The following CDKL1 variants were observed in gnomAD, a reference collection of about 807,000 sequenced individuals.
CDKL1 encodes cyclin-dependent kinase-like 1.
In CDKL1, 41 loss-of-function variants were observed where a neutral mutation model predicts 42.0. That is an observed-to-expected ratio of 0.98 (90% CI 0.76 to 1.27). The LOEUF (loss-of-function observed/expected upper bound fraction) is 1.27, where lower values mean the gene tolerates loss of function less well. Among genes scored for constraint, CDKL1 ranks in the 50% most tolerant of loss-of-function variants. The probability of loss-of-function intolerance (pLI) is 0.00; values close to 1 mark genes in which losing one functional copy is unlikely to be tolerated. For synonymous variants in CDKL1, 153 were observed against 158.6 expected (o/e 0.96, Z 0.26); for missense variants, 394 against 428.4 (o/e 0.92, Z 0.71).
intron 2 of CDKL1, among the ~76,000 whole-genome samples, chr14:50,391,737 A>C (rs2035262609): frequency 2.0e-5 from 3 of 152,142 alleles, no homozygotes. Context: ...TCAGGGCAGT[A>C]ACTCAAGGTC....
Position 50,336,321 on chromosome 14 carries a change from GCTT to G in CDKL1, c.739-1703_739-1701del, listed in dbSNP as rs569107248. 4,766 of 1,142,078 alleles carry G rather than the reference GCTT, an allele frequency of 4.2e-3. 11 individuals carry two copies. The highest frequency in any genetic ancestry group is 5.1e-3 in the Non-Finnish European group (4,553 of 895,956). The allele number at this position is 1,142,078 out of a possible 1,614,324, so 70.7% of individuals were successfully genotyped here. On this transcript the variant is annotated intron_variant, in intron 7 of 9. Coordinates refer to ENST00000395834, the MANE Select transcript of CDKL1 (RefSeq NM_004196.7). ...GACAATCTCTGGGAAGCCATGGGAA[GCTT>G]CTTACATTTATGAAACCTGGGTTAT...
At chr14:50,382,936 T>G (rs1229237819) in intron 2 of CDKL1, among the ~76,000 whole-genome samples, 1 of 151,550 alleles carries the variant, frequency 6.6e-6, no homozygotes. Flanking sequence ...TTTTGTTTTT[T>G]TTTTTTTTTG....
intron 3 of CDKL1, chr14:50,358,091 G>C: frequency 7.4e-7 from 1 of 1,357,590 alleles, no homozygotes; most frequent in Non-Finnish European, 9.9e-7. Flanking sequence ...CTTGGACAAG[G>C]CCTCTGTGTG....
At chr14:50,378,340 G>A (rs1289376621) in intron 2 of CDKL1, 1 of 1,366,370 alleles carries the variant, frequency 7.3e-7, no homozygotes, top group Admixed American at 1.9e-5. Flanking sequence ...GCTCTGCGAG[G>A]AAATAACTGC....
intron 2 of CDKL1, among the ~76,000 whole-genome samples, chr14:50,374,433 A>G (rs1381350767): frequency 6.6e-6 from 1 of 152,242 alleles, no homozygotes; most frequent in Non-Finnish European, 1.5e-5. Flanking sequence ...TTAAAAAATC[A>G]TGTAGGAGGT....
rs375954757 is a variant in CDKL1 at position 50,346,651 on chromosome 14, G to GTTTT, written c.291-1594_291-1593insAAAA. 1.0e-3 allele frequency among the ~76,000 whole-genome samples: 124 copies of GTTTT among 123,642 alleles called. 10 individuals are homozygous for GTTTT. The highest frequency in any genetic ancestry group is 1.4e-3 in the African/African-American group (41 of 30,170). The allele number at this position is 123,642 out of a possible 152,430, so 81.1% of individuals were successfully genotyped here. ...TGATTATTCAATAAATTAAATTTTT[G>GTTTT]GTTTTTTTTTTTTTTTTGAGATGGA... is the stretch of plus-strand genomic sequence containing the variant. On this transcript the variant is annotated intron_variant, in intron 3 of 9. Transcript: ENST00000395834.
chr14:50,390,821 A>G (rs943780675), intron 2 of CDKL1, among the ~76,000 whole-genome samples: 1 of 152,080 alleles, frequency 6.6e-6, no homozygotes, highest in African/African-American at 2.4e-5. Flanking sequence ...CCAGCCCATC[A>G]TGCCTGACTT....
chr14:50,378,743 C>T (rs1203598028), intron 2 of CDKL1, among the ~76,000 whole-genome samples: 1 of 152,088 alleles, frequency 6.6e-6, no homozygotes, highest in Non-Finnish European at 1.5e-5. Context: ...TACCATCTTG[C>T]TCAGGTTGGT....
Position 50,393,483 on chromosome 14 carries a change from T to C in CDKL1, c.168+2218A>G, listed in dbSNP as rs1426284495. 2.6e-5 allele frequency among the ~76,000 whole-genome samples: 4 copies of C among 152,326 alleles called. 1 individual carries two copies. The South Asian group carries it at 8.3e-4, about 32-fold the overall frequency. On this transcript the variant is annotated intron_variant, in intron 2 of 9. Transcript: ENST00000395834. ...ACTCAACAAATATTTATTAAGTATCTTTATTTTATAAGTGACAGGGTCTCA... is the reference window on the plus strand; with the variant it reads ...ACTCAACAAATATTTATTAAGTATCCTTATTTTATAAGTGACAGGGTCTCA...
intron 2 of CDKL1, among the ~76,000 whole-genome samples, chr14:50,373,643 A>T (rs2034648663): frequency 6.6e-6 from 1 of 152,254 alleles, no homozygotes; most frequent in Non-Finnish European, 1.5e-5. Context: ...GATATAATAC[A>T]GATGGGAAAT....
Position 50,379,394 on chromosome 14 carries a change from T to C in CDKL1, c.168+16307A>G, listed in dbSNP as rs148469065. Among the ~76,000 whole-genome samples the C allele has an allele frequency of 3.1e-4, 47 of 152,268 alleles. No individual in the cohort carries two copies. The East Asian group carries it at 4.3e-3, about 14-fold the overall frequency. ...CAGTAAGGAGCAGAAAGGAGCCCAG[T>C]GGCATCTTCAAGAGCTCATCACTGC... On this transcript the variant is annotated intron_variant, in intron 2 of 9. Coordinates refer to ENST00000395834, the MANE Select transcript of CDKL1 (RefSeq NM_004196.7).
intron 2 of CDKL1, 80 bp from the exon 3 acceptor site, chr14:50,359,229 G>A (rs1048290455): frequency 2.0e-6 from 3 of 1,493,006 alleles, no homozygotes; most frequent in Non-Finnish European, 2.7e-6. Context: ...TAAAAAGTAA[G>A]TTGTTTGTCC....
At chr14:50,355,148 C>G (rs2034018852) in intron 3 of CDKL1, among the ~76,000 whole-genome samples, 1 of 151,614 alleles carries the variant, frequency 6.6e-6, no homozygotes, top group African/African-American at 2.4e-5. Flanking sequence ...TTAATGGGTC[C>G]ACTGTATTCT....
chr14:50,357,894 T>G, intron 3 of CDKL1: 1 of 437,334 alleles, frequency 2.3e-6, no homozygotes, highest in Non-Finnish European at 4.3e-6. Context: ...TAAGGGAAGC[T>G]TATTTGCAAG....
At chr14:50,347,448 T>C (rs1268609741) in intron 3 of CDKL1, among the ~76,000 whole-genome samples, 2 of 152,156 alleles carry the variant, frequency 1.3e-5, no homozygotes, top group Non-Finnish European at 2.9e-5. Context: ...ACATCTAAAA[T>C]AGTGGTTAAG....
intron 4 of CDKL1, 37 bp from the exon 5 acceptor site, chr14:50,342,259 C>A: frequency 6.4e-7 from 1 of 1,566,674 alleles, no homozygotes; most frequent in Non-Finnish European, 8.8e-7. Context: ...AATATTAAGG[C>A]TGAACTATAT....
intron 3 of CDKL1, among the ~76,000 whole-genome samples, chr14:50,348,073 G>C (rs2033784827): frequency 6.6e-6 from 1 of 152,218 alleles, no homozygotes; most frequent in African/African-American, 2.4e-5. Flanking sequence ...CAAGGTCAGA[G>C]AGGACAGGAG....
At chr14:50,389,657 G>A (rs1302310069) in intron 2 of CDKL1, among the ~76,000 whole-genome samples, 5 of 152,080 alleles carry the variant, frequency 3.3e-5, no homozygotes, top group African/African-American at 9.7e-5. Context: ...CAAAGGTTTA[G>A]AAGGCTATTT....
At chr14:50,359,178 A>C in intron 2 of CDKL1, 29 bp from the exon 3 acceptor site, 25 of 1,588,798 alleles carry the variant, frequency 1.6e-5, no homozygotes, top group Non-Finnish European at 2.1e-5. Flanking sequence ...AAGTTACTAA[A>C]TTTGACTTGT....
Sources: allele counts gnomAD v4.1 joint callset (sites outside exome capture counted in the v4.1 genomes callset), GRCh38; gene constraint gnomAD v4.1.1; transcripts MANE v1.5; gene names NCBI Gene and HGNC (gene_info 2026-07-23, HGNC 2026-07-21).